Variants in ARID5B observed in about 807,000 individuals in gnomAD.
ARID5B encodes AT-rich interactive domain-containing protein 5B.
In ARID5B, 13 loss-of-function variants were observed where a neutral mutation model predicts 97.2. The observed-to-expected ratio is 0.13, with a 90% confidence interval of 0.09 to 0.21. The LOEUF (loss-of-function observed/expected upper bound fraction) is 0.21, where lower values mean the gene tolerates loss of function less well. ARID5B is among the 10% of genes least tolerant of loss of function. The pLI is 1.00. For missense variants in ARID5B, 1,210 were observed against 1,465.3 expected, an observed-to-expected ratio of 0.83 and a Z score of 2.84; for synonymous variants, 556 against 570.3, an observed-to-expected ratio of 0.97 and a Z score of 0.36.
chr10:61,921,597 G>A (rs1256761722), intron 2 of ARID5B, among the ~76,000 whole-genome samples: 1 of 152,160 alleles, frequency 6.6e-6, no homozygotes, highest in Non-Finnish European at 1.5e-5. Flanking sequence ...GATGCTGGAA[G>A]TGACATCCCA....
intron 3 of ARID5B, among the ~76,000 whole-genome samples, chr10:61,994,390 G>A (rs1370155771): frequency 6.6e-6 from 1 of 152,076 alleles, no homozygotes; most frequent in Non-Finnish European, 1.5e-5. Flanking sequence ...CTAAATTGTT[G>A]TGTAAGAGAT....
chr10:62,013,794 G>GTGTATATATATATATA (rs71470787), intron 4 of ARID5B, among the ~76,000 whole-genome samples: 1 of 138,954 alleles, frequency 7.2e-6, no homozygotes, highest in South Asian at 2.5e-4. Context: ...ATTCCATTGG[G>GTGTATATATATATATA]TATATATATA....
chr10:62,062,170 GT>G lies in ARID5B; in HGVS notation c.1101+2876del, dbSNP rs1162825793. On this transcript the variant is annotated intron_variant, in intron 7 of 9. Transcript: ENST00000279873. ...GAATTTTGAAGTCAGTCCAGGAGAT[GT>G]ACAAATAATATCCAAAGTCTGAAGG... Among the ~76,000 whole-genome samples the G allele has an allele frequency of 2.0e-5, 3 of 152,160 alleles. No individual in the cohort carries two copies. The East Asian group carries it at 5.8e-4, about 29-fold the overall frequency.
rs141726186 is a variant in ARID5B at position 61,950,648 on chromosome 10, C to A, written c.502+10240C>A. On this transcript the variant is annotated intron_variant, in intron 3 of 9. Coordinates refer to ENST00000279873, the MANE Select transcript of ARID5B (RefSeq NM_032199.3). ...TGATACCACTACACTCCAGCCTGGG[C>A]AACCCACACTGCATTCCAGCCTGGC... Among the ~76,000 whole-genome samples the A allele has an allele frequency of 3.4e-3, 516 of 152,278 alleles. 1 individual carries two copies. Among genetic ancestry groups the A allele is most frequent in the South Asian group, 0.01 (50 of 4,818 alleles).
At chr10:61,908,383 G>A (rs1843739536) in intron 2 of ARID5B, among the ~76,000 whole-genome samples, 1 of 152,172 alleles carries the variant, frequency 6.6e-6, no homozygotes, top group Non-Finnish European at 1.5e-5. Context: ...AAATTGTGCT[G>A]ATAATACATG....
At chr10:62,067,309 C>T (rs1279434200) in intron 7 of ARID5B, among the ~76,000 whole-genome samples, 1 of 152,150 alleles carries the variant, frequency 6.6e-6, no homozygotes, top group Non-Finnish European at 1.5e-5. Flanking sequence ...TCTTGAACTC[C>T]CAACCTCAGG....
At chr10:62,036,657 TG>T (rs1192717201) in intron 4 of ARID5B, among the ~76,000 whole-genome samples, 5 of 152,194 alleles carry the variant, frequency 3.3e-5, no homozygotes, top group Non-Finnish European at 7.4e-5. Flanking sequence ...TTGGAAAGTG[TG>T]TTTCAGTAAC....
chr10:62,030,078 A>G (rs942148501), intron 4 of ARID5B, among the ~76,000 whole-genome samples: 6 of 152,154 alleles, frequency 3.9e-5, no homozygotes, highest in African/African-American at 1.2e-4. Context: ...AGGATATGCA[A>G]GTATGAAATA....
intron 4 of ARID5B, among the ~76,000 whole-genome samples, chr10:62,019,801 A>G (rs1839331781): frequency 6.6e-6 from 1 of 152,198 alleles, no homozygotes; most frequent in Non-Finnish European, 1.5e-5. Flanking sequence ...CTGTGGATTT[A>G]AGACCTTTCC....
chr10:62,012,410 G>C (rs1352700252), intron 4 of ARID5B, among the ~76,000 whole-genome samples: 1 of 152,172 alleles, frequency 6.6e-6, no homozygotes, highest in Non-Finnish European at 1.5e-5. Context: ...TGTAGTCCCA[G>C]CTACTCAGGA....
intron 4 of ARID5B, among the ~76,000 whole-genome samples, chr10:62,035,226 G>A (rs908877747): frequency 6.6e-6 from 1 of 152,228 alleles, no homozygotes; most frequent in African/African-American, 2.4e-5. Context: ...CGGCATTTAT[G>A]TTCTCCAGTG....
At chr10:61,963,341 T>A (rs999724126) in intron 3 of ARID5B, among the ~76,000 whole-genome samples, 18 of 152,156 alleles carry the variant, frequency 1.2e-4, no homozygotes, top group African/African-American at 4.3e-4. Flanking sequence ...AGGAAAACAT[T>A]AATCATGCTT....
chr10:61,962,387 C>T (rs1838483928), intron 3 of ARID5B, among the ~76,000 whole-genome samples: 1 of 152,178 alleles, frequency 6.6e-6, no homozygotes, highest in East Asian at 1.9e-4. Flanking sequence ...GCTGAAGCAC[C>T]ATTAGAAACA....
chr10:62,017,190 G>A (rs1342439915), intron 4 of ARID5B, among the ~76,000 whole-genome samples: 1 of 152,100 alleles, frequency 6.6e-6, no homozygotes, highest in Non-Finnish European at 1.5e-5. Context: ...AAACATATTT[G>A]AAAAAATAAG....
intron 1 of ARID5B, 42 bp downstream of exon 1, chr10:61,901,772 G>A: frequency 6.9e-7 from 1 of 1,457,016 alleles, no homozygotes; most frequent in Middle Eastern, 2.3e-4. Flanking sequence ...GGCACCCCCC[G>A]GCACCCCCCA....
intron 3 of ARID5B, among the ~76,000 whole-genome samples, chr10:61,948,478 T>C (rs1402755063): frequency 7.1e-6 from 1 of 141,352 alleles, no homozygotes; most frequent in Admixed American, 7.5e-5. Flanking sequence ...GCAATTTCCC[T>C]GCCTCAGCCT....
chr10:62,057,732 G>A (rs763398331), intron 6 of ARID5B, among the ~76,000 whole-genome samples: 2 of 152,030 alleles, frequency 1.3e-5, no homozygotes, highest in Non-Finnish European at 2.9e-5. Flanking sequence ...AACCACAAAG[G>A]GAAAACACAT....
chr10:62,087,143 CA>C (rs1840297412), intron 9 of ARID5B, among the ~76,000 whole-genome samples: 2 of 150,788 alleles, frequency 1.3e-5, no homozygotes, highest in Admixed American at 6.6e-5. Flanking sequence ...ACTAAAAATA[CA>C]AAAAATTAGC....
At chr10:62,044,863 A>G (rs570402220) in intron 4 of ARID5B, among the ~76,000 whole-genome samples, 2 of 152,274 alleles carry the variant, frequency 1.3e-5, no homozygotes, top group South Asian at 2.1e-4. Context: ...ATACAATGCA[A>G]TTGCTTCTCA....
Sources: allele counts gnomAD v4.1 joint callset (sites outside exome capture counted in the v4.1 genomes callset), GRCh38; gene constraint gnomAD v4.1.1; transcripts MANE v1.5; gene names NCBI Gene and HGNC (gene_info 2026-07-23, HGNC 2026-07-21).